Variants in ARMCX3 observed in about 807,000 individuals in gnomAD.
ARMCX3 encodes the protein armadillo repeat containing X-linked 3, also known as armadillo repeat-containing X-linked protein 3.
Under a neutral mutation model 12.6 loss-of-function variants are expected in ARMCX3, and 3 were observed. The observed-to-expected ratio is 0.24, with a 90% confidence interval of 0.11 to 0.61. The LOEUF is 0.61. Ranked by LOEUF, ARMCX3 falls within the 20% of genes least tolerant of loss-of-function variation. The pLI, the probability that ARMCX3 is intolerant of heterozygous loss-of-function variation, is 0.88. For missense variants in ARMCX3, 204 were observed against 286.1 expected (o/e 0.71, Z 2.07); for synonymous variants, 102 against 103.1 (o/e 0.99, Z 0.06).
Position 101,625,688 on chromosome X carries a change from T to C in ARMCX3, c.709T>C (p.Tyr237His), listed in dbSNP as rs782461535. The C allele has an allele frequency of 4.2e-6, 5 of 1,188,897 alleles. No individual in the cohort carries two copies. The East Asian group carries it at 1.5e-4, about 35-fold the overall frequency. ...LLTNMTVTNE[Y>H]QHMLANSISD... ...TACAAATATGACTGTTACTAATGAGTATCAGCACATGCTTGCTAATTCCAT... is the reference window on the plus strand; with the variant it reads ...TACAAATATGACTGTTACTAATGAGCATCAGCACATGCTTGCTAATTCCAT... Residue 237 changes from tyrosine to histidine, a missense_variant, in exon 5 of 5, where the codon TAT becomes CAT. Tyr to His is a moderately conservative substitution (Grantham distance 83, BLOSUM62 2). Transcript: ENST00000471229.
In ARMCX3 at chrX:101,626,448, T is replaced by A. The variant is rs1391894018; in HGVS notation, c.*329T>A. ...TTTCATTGATTTAATTTGTGTATCA[T>A]CAATAAAATTGTATGTTAATGCTGG... On this transcript the variant is annotated 3_prime_UTR_variant, in exon 5 of 5. Transcript: ENST00000471229. 3.9e-5 allele frequency: 7 copies of A among 178,942 alleles called. No individual in the cohort carries two copies. Among genetic ancestry groups the A allele is most frequent in the Non-Finnish European group, 6.6e-5 (6 of 90,297 alleles). The allele number at this position is 178,942 out of a possible 1,213,427, so 14.7% of individuals were successfully genotyped here.
In ARMCX3 at chrX:101,625,209, C is replaced by T; in HGVS notation, c.230C>T (p.Pro77Leu). 1 of 1,211,149 alleles carries T rather than the reference C, an allele frequency of 8.3e-7. No individual in the cohort carries two copies. The change falls in exon 5 of 5, where the codon CCA becomes CTA. Residue 77 changes from proline to leucine, a missense_variant. Physicochemically the swap from Pro to Leu is moderately conservative, Grantham distance 98. Transcript: ENST00000471229. Reference protein sequence around the residue: ...SNESKSIVWYPPWARIGTEAG... With the variant: ...SNESKSIVWYLPWARIGTEAG... ...GAGAGCAAGAGTATAGTATGGTACC[C>T]ACCTTGGGCTCGGATTGGGACTGAA...
chrX:101,625,803 C>T lies in ARMCX3; in HGVS notation c.824C>T (p.Ala275Val), dbSNP rs782264611. ...CTTTTGAATTTGGCTGAAAATCCAG[C>T]CATGACTAGGGAACTGCTCAGGGCC... ...KLLLNLAENP[A>V]MTRELLRAQV... The change falls in exon 5 of 5, where the codon GCC becomes GTC. Residue 275 changes from alanine (A) to valine (V), a missense_variant. Ala to Val is a moderately conservative substitution (Grantham distance 64). Transcript: ENST00000471229. 2 of 1,193,978 alleles carry T rather than the reference C, an allele frequency of 1.7e-6. No individual in the cohort carries two copies. Among genetic ancestry groups the T allele is most frequent in the Admixed American group, 4.7e-5 (2 of 42,789 alleles).
rs1433424664 is a variant in ARMCX3, at chrX:101,624,527, G to C, written c.-170G>C. 8.3e-6 allele frequency: 1 copy of C among 120,268 alleles called. No individual in the cohort carries two copies. Among genetic ancestry groups the C allele is most frequent in the Non-Finnish European group, 1.7e-5 (1 of 58,652 alleles). 9.9% of individuals were successfully genotyped at this position (120,268 alleles called of 1,213,427 possible). A position where few individuals can be genotyped will look rare whatever the true frequency, so the allele number is the denominator to read the frequency against. Reference sequence around the variant, plus strand: ...GCACACCACTAGGGAAAAGAAGAAGGGGCGAACTGCTTGTCTTGAGGAGGT... The same window carrying C: ...GCACACCACTAGGGAAAAGAAGAAGCGGCGAACTGCTTGTCTTGAGGAGGT... On this transcript the variant is annotated 5_prime_UTR_variant, in exon 4 of 5. Coordinates refer to ENST00000471229, the MANE Select transcript of ARMCX3 (RefSeq NM_177947.3).
In ARMCX3 at chrX:101,626,952, C is replaced by G. The variant is rs1935998450; in HGVS notation, c.*833C>G. On this transcript the variant is annotated 3_prime_UTR_variant, in exon 5 of 5. Coordinates refer to ENST00000471229, the MANE Select transcript of ARMCX3 (RefSeq NM_177947.3). ...ATAATTGGGGTCCATATGAAAGTCT[C>G]TATTACTGAGTAGTGTCAATGAGGG... is the stretch of plus-strand genomic sequence containing the variant. 8.1e-6 allele frequency: 1 copy of G among 123,370 alleles called. No homozygotes were observed. The highest frequency in any genetic ancestry group is 1.9e-5 in the Non-Finnish European group (1 of 53,248). The allele number at this position is 123,370 out of a possible 1,213,427, so 10.2% of individuals were successfully genotyped here.
chrX:101,625,598 G>A lies in ARMCX3; in HGVS notation c.619G>A (p.Val207Met). ...QRRLKVYMNQ[V>M]CDDTITSRLN... ...CAGGCTTAAAGTATACATGAATCAAGTGTGTGATGACACAATCACTTCTCG... is the reference window on the plus strand; with the variant it reads ...CAGGCTTAAAGTATACATGAATCAAATGTGTGATGACACAATCACTTCTCG... The change falls in exon 5 of 5, where the codon GTG becomes ATG. Residue 207 changes from valine (V) to methionine (M), a missense_variant. Coordinates refer to ENST00000471229, the MANE Select transcript of ARMCX3 (RefSeq NM_177947.3). 1.7e-6 allele frequency: 2 copies of A among 1,196,907 alleles called. No homozygotes were observed. The highest frequency in any genetic ancestry group is 3.0e-5 in the East Asian group (1 of 33,793).
Position 101,625,400 on chromosome X carries a change from G to A in ARMCX3, c.421G>A (p.Ala141Thr). Reference sequence around the variant, plus strand: ...GTCTGAAAAGCCTTATATTCTTGAAGCAGCTTTAATTGCTCTGGGTAACAA... The same window carrying A: ...GTCTGAAAAGCCTTATATTCTTGAAACAGCTTTAATTGCTCTGGGTAACAA... ...EMSEKPYILEAALIALGNNAA... is the reference protein window; with the variant it reads ...EMSEKPYILETALIALGNNAA... Residue 141 changes from alanine (A) to threonine (T), a missense_variant, in exon 5 of 5, where the codon GCA (alanine) becomes ACA (threonine). Ala to Thr is a moderately conservative substitution (Grantham distance 58). Coordinates refer to ENST00000471229, the MANE Select transcript of ARMCX3 (RefSeq NM_177947.3). The A allele has an allele frequency of 8.3e-7, 1 of 1,208,719 alleles. No homozygotes were observed. Among genetic ancestry groups the A allele is most frequent in the Non-Finnish European group, 1.1e-6 (1 of 894,151 alleles).
rs1434581838 is a variant in ARMCX3, at chrX:101,626,004, T to G, written c.1025T>G (p.Val342Gly). Residue 342 changes from valine (V) to glycine (G), a missense_variant, in exon 5 of 5, where the codon GTG becomes GGG. Coordinates refer to ENST00000471229, the MANE Select transcript of ARMCX3 (RefSeq NM_177947.3). ...TTTTTCTTTTTAAAAGAATTTCAAGTGTGTGCTGATAAGGTTCTGGGAATA... is the reference window on the plus strand; with the variant it reads ...TTTTTCTTTTTAAAAGAATTTCAAGGGTGTGCTGATAAGGTTCTGGGAATA... ...SLFFFLKEFQVCADKVLGIES... is the reference protein window; with the variant it reads ...SLFFFLKEFQGCADKVLGIES... 8.3e-7 allele frequency: 1 copy of G among 1,207,437 alleles called. No individual in the cohort carries two copies. The highest frequency in any genetic ancestry group is 1.1e-6 in the Non-Finnish European group (1 of 894,305).
chrX:101,624,821 C>G lies in ARMCX3; in HGVS notation c.-146-13C>G, dbSNP rs1174169795. ...AGAGAAACTCAAACCCAATTTTCTT[C>G]TTCCACTCCTAGGTCAACCCCCAGA... On this transcript the variant is annotated splice_polypyrimidine_tract_variant and intron_variant, in intron 4 of 4. Transcript: ENST00000471229. 1 of 410,709 alleles carries G rather than the reference C, an allele frequency of 2.4e-6. No individual in the cohort carries two copies. Among genetic ancestry groups the G allele is most frequent in the Non-Finnish European group, 3.9e-6 (1 of 259,029 alleles). The allele number at this position is 410,709 out of a possible 1,213,427, so 33.8% of individuals were successfully genotyped here. A position where few individuals can be genotyped will look rare whatever the true frequency, so the allele number is the denominator to read the frequency against.
At position 101,625,161 on chromosome X, in the gene ARMCX3, CTGA is replaced by C. The variant is rs782223058; in HGVS notation, c.195_197del (p.Asp66del). Reference sequence around the variant, plus strand: ...TCTGGGGCCAGGTATAATGACTGGTCTGATGATGATGATGACAGCAATGAGAGC... The same window carrying C: ...TCTGGGGCCAGGTATAATGACTGGTCTGATGATGATGACAGCAATGAGAGC... On this transcript the variant is annotated inframe_deletion, in exon 5 of 5. Transcript: ENST00000471229. The C allele has an allele frequency of 4.1e-6, 5 of 1,209,099 alleles. No individual in the cohort carries two copies. The highest frequency in any genetic ancestry group is 4.5e-6 in the Non-Finnish European group (4 of 894,841).
At position 101,623,944 on chromosome X, in the gene ARMCX3, G is replaced by C. The variant is rs1051960450; in HGVS notation, c.-279+51G>C. The C allele has an allele frequency of 3.6e-5, 4 of 110,205 alleles. No homozygotes were observed. The Admixed American group carries it at 3.9e-4, about 11-fold the overall frequency. 9.1% of individuals were successfully genotyped at this position (110,205 alleles called of 1,213,427 possible). ...GGGACGGGGGTGGCGGCGGGGGTGG[G>C]GAGAAGGCAGAGAAGGTAATAATCT... is the stretch of plus-strand genomic sequence containing the variant. On this transcript the variant is annotated intron_variant, in intron 2 of 4. Coordinates refer to ENST00000471229, the MANE Select transcript of ARMCX3 (RefSeq NM_177947.3).
Position 101,626,425 on chromosome X carries a change from T to C in ARMCX3, c.*306T>C, listed in dbSNP as rs2147358144. ...ATGAGTAAGCTCCCTTCTGTCATTT[T>C]CATTGATTTAATTTGTGTATCATCA... On this transcript the variant is annotated 3_prime_UTR_variant, in exon 5 of 5. Transcript: ENST00000471229. The C allele has an allele frequency of 4.7e-6, 1 of 212,377 alleles. No homozygotes were observed. The highest frequency in any genetic ancestry group is 2.9e-5 in the African/African-American group (1 of 34,327). 17.5% of individuals were successfully genotyped at this position (212,377 alleles called of 1,213,427 possible).
At position 101,627,338 on chromosome X, in the gene ARMCX3, A is replaced by G. The variant is rs1187436932; in HGVS notation, c.*1219A>G. On this transcript the variant is annotated 3_prime_UTR_variant, in exon 5 of 5. Coordinates refer to ENST00000471229, the MANE Select transcript of ARMCX3 (RefSeq NM_177947.3). ...TTCCATTTTTTGAGACTAATAAAACATATGTTTAAAAGGACACTAAAAACT... is the reference window on the plus strand; with the variant it reads ...TTCCATTTTTTGAGACTAATAAAACGTATGTTTAAAAGGACACTAAAAACT... 1.5e-4 allele frequency: 18 copies of G among 123,909 alleles called. No homozygotes were observed. Among genetic ancestry groups the G allele is most frequent in the Non-Finnish European group, 2.6e-4 (14 of 53,317 alleles). The allele number at this position is 123,909 out of a possible 1,213,427, so 10.2% of individuals were successfully genotyped here.
In ARMCX3 at chrX:101,625,835, C is replaced by T. The variant is rs369278711; in HGVS notation, c.856C>T (p.Pro286Ser). Residue 286 changes from proline (P) to serine (S), a missense_variant, in exon 5 of 5, where the codon CCA (proline) becomes TCA (serine). By Grantham distance (74) the Pro-to-Ser change is moderately conservative. Transcript: ENST00000471229. ...TAGGGAACTGCTCAGGGCCCAAGTACCATCTTCACTGGGCTCCCTCTTTAA... is the reference window on the plus strand; with the variant it reads ...TAGGGAACTGCTCAGGGCCCAAGTATCATCTTCACTGGGCTCCCTCTTTAA... ...MTRELLRAQV[P>S]SSLGSLFNKK... is the part of the protein sequence containing the mutation. The T allele has an allele frequency of 6.6e-6, 8 of 1,205,361 alleles. No individual in the cohort carries two copies. The highest frequency in any genetic ancestry group is 6.6e-5 in the Admixed American group (3 of 45,306).
At position 101,626,131 on chromosome X, in the gene ARMCX3, T is replaced by G. The variant is rs1352728675; in HGVS notation, c.*12T>G. ...AGAGCCAGGAATAACACCTTGATTTTGTAATTTAGAAGCAACACACATTGT... is the reference window on the plus strand; with the variant it reads ...AGAGCCAGGAATAACACCTTGATTTGGTAATTTAGAAGCAACACACATTGT... On this transcript the variant is annotated 3_prime_UTR_variant, in exon 5 of 5. Coordinates refer to ENST00000471229, the MANE Select transcript of ARMCX3 (RefSeq NM_177947.3). 1 of 1,146,989 alleles carries G rather than the reference T, an allele frequency of 8.7e-7. No homozygotes were observed. Among genetic ancestry groups the G allele is most frequent in the Non-Finnish European group, 1.2e-6 (1 of 864,733 alleles). 94.5% of individuals were successfully genotyped at this position (1,146,989 alleles called of 1,213,427 possible). A position where few individuals can be genotyped will look rare whatever the true frequency, so the allele number is the denominator to read the frequency against.
chrX:101,625,291 T>A lies in ARMCX3; in HGVS notation c.312T>A (p.Ala104=). 1 of 1,208,854 alleles carries A rather than the reference T, an allele frequency of 8.3e-7. No homozygotes were observed. Among genetic ancestry groups the A allele is most frequent in the Non-Finnish European group, 1.1e-6 (1 of 894,187 alleles). ...ARARATRARR[A]VQKRASPNSD... ...CCAGGGCTACCCGGGCACGTCGGGC[T>A]GTCCAGAAACGGGCTTCCCCCAATT... is the stretch of plus-strand genomic sequence containing the variant. The change falls in exon 5 of 5, where the codon GCT becomes GCA. Residue 104 remains alanine, a synonymous_variant. Transcript: ENST00000471229.
chrX:101,623,774 C>T (rs1935940969), intron 1 of ARMCX3, 40 bp from the exon 2 acceptor site: 1 of 111,913 alleles, frequency 8.9e-6, no homozygotes, highest in Admixed American at 9.5e-5. Flanking sequence ...CTGACCATGG[C>T]TCTGTGTCTA....
rs1366399877 is a variant in ARMCX3 at position 101,624,205 on chromosome X, T to A, written c.-231T>A. ...GCTTGAAGCGAGGGAGGAAGTTTCC[T>A]CCGATCAGTAGAGGTCGGTGTGGGC... On this transcript the variant is annotated 5_prime_UTR_variant, in exon 3 of 5. Coordinates refer to ENST00000471229, the MANE Select transcript of ARMCX3 (RefSeq NM_177947.3). 1 of 109,094 alleles carries A rather than the reference T, an allele frequency of 9.2e-6. No homozygotes were observed. The highest frequency in any genetic ancestry group is 3.4e-5 in the African/African-American group (1 of 29,716). The allele number at this position is 109,094 out of a possible 1,213,427, so 9.0% of individuals were successfully genotyped here.
rs1291769094 is a variant in ARMCX3, at chrX:101,626,136, T to C, written c.*17T>C. On this transcript the variant is annotated 3_prime_UTR_variant, in exon 5 of 5. Coordinates refer to ENST00000471229, the MANE Select transcript of ARMCX3 (RefSeq NM_177947.3). Reference sequence around the variant, plus strand: ...CAGGAATAACACCTTGATTTTGTAATTTAGAAGCAACACACATTGTAAACT... The same window carrying C: ...CAGGAATAACACCTTGATTTTGTAACTTAGAAGCAACACACATTGTAAACT... 3 of 1,137,552 alleles carry C rather than the reference T, an allele frequency of 2.6e-6. No individual in the cohort carries two copies. Among genetic ancestry groups the C allele is most frequent in the Non-Finnish European group, 2.3e-6 (2 of 857,902 alleles). The allele number at this position is 1,137,552 out of a possible 1,213,427, so 93.7% of individuals were successfully genotyped here. A position where few individuals can be genotyped will look rare whatever the true frequency, so the allele number is the denominator to read the frequency against.
Sources: gnomAD v4.1 joint callset for allele counts on GRCh38, gnomAD v4.1.1 for gene constraint, MANE v1.5 for transcripts, NCBI Gene and HGNC (gene_info 2026-07-23, HGNC 2026-07-21) for gene names.